The following TRAPPC9 variants were observed in gnomAD, a reference collection of about 807,000 sequenced individuals.
TRAPPC9 encodes the protein trafficking protein particle complex subunit 9.
In TRAPPC9, 83 loss-of-function variants were observed where a neutral mutation model predicts 124.0. That is an observed-to-expected ratio of 0.67 (90% CI 0.56 to 0.80). The LOEUF (loss-of-function observed/expected upper bound fraction) is 0.80. Among genes scored for constraint, TRAPPC9 ranks in the 30% least tolerant of loss-of-function variants. The probability of loss-of-function intolerance (pLI) is 0.00; values close to 1 mark genes in which losing one functional copy is unlikely to be tolerated. For synonymous variants in TRAPPC9, 638 were observed against 617.5 expected (o/e 1.03, Z -0.49); for missense variants, 1,302 against 1,508.3 (o/e 0.86, Z 2.27).
At chr8:140,255,246 C>A (rs563474987) in intron 15 of TRAPPC9, among the ~76,000 whole-genome samples, 2 of 152,324 alleles carry the variant, frequency 1.3e-5, no homozygotes, top group East Asian at 3.9e-4. Flanking sequence ...TCACAGAACA[C>A]CTCAAATGTG....
chr8:140,329,567 A>C (rs545772624), intron 9 of TRAPPC9, among the ~76,000 whole-genome samples: 3 of 152,344 alleles, frequency 2.0e-5, no homozygotes, highest in Admixed American at 2.0e-4. Flanking sequence ...ACTGTAGGGA[A>C]GAGAAAAGTG....
intron 21 of TRAPPC9, among the ~76,000 whole-genome samples, chr8:139,880,885 G>A (rs549954005): frequency 7.2e-5 from 11 of 152,366 alleles, no homozygotes; most frequent in East Asian, 1.9e-4. Context: ...GGTGCCGCCA[G>A]CGACTAAAAG....
intron 19 of TRAPPC9, among the ~76,000 whole-genome samples, chr8:139,986,965 C>T (rs912711684): frequency 7.9e-5 from 12 of 152,112 alleles, no homozygotes; most frequent in Admixed American, 2.0e-4. Flanking sequence ...TGGCAAAAGC[C>T]GCAATTACTT....
At chr8:139,757,137 A>G (rs374408843) in intron 21 of TRAPPC9, among the ~76,000 whole-genome samples, 961 of 29,900 alleles carry the variant, frequency 0.032, no homozygotes, top group Middle Eastern at 0.043. Context: ...CCAGGGTTTG[A>G]GGATGAGGAC....
At chr8:140,123,892 T>C (rs2061033362) in intron 17 of TRAPPC9, among the ~76,000 whole-genome samples, 1 of 152,202 alleles carries the variant, frequency 6.6e-6, no homozygotes, top group South Asian at 2.1e-4. Context: ...TAGGTTATGC[T>C]GTGGTAACAA....
In TRAPPC9 at chr8:140,249,054, C is replaced by G. The variant is rs148400681; in HGVS notation, c.2431+3723G>C. Among the ~76,000 whole-genome samples, 175 of 152,126 alleles carry G rather than the reference C, an allele frequency of 1.2e-3. 1 individual carries two copies. Among genetic ancestry groups the G allele is most frequent in the African/African-American group, 1.6e-3 (68 of 41,478 alleles). ...ATTTCAACTTTTATTTTAGATTTAG[C>G]GGGTACGTGTTCAGGTTTGTTACAT... On this transcript the variant is annotated intron_variant, in intron 16 of 22. Coordinates refer to ENST00000438773, the MANE Select transcript of TRAPPC9 (RefSeq NM_001160372.4).
At chr8:140,034,170 G>C (rs985065770) in intron 17 of TRAPPC9, among the ~76,000 whole-genome samples, 1 of 152,212 alleles carries the variant, frequency 6.6e-6, no homozygotes, top group African/African-American at 2.4e-5. Context: ...CCCAACACAA[G>C]ACTTGGCACA....
chr8:140,071,766 C>G lies in TRAPPC9; in HGVS notation c.2557-47687G>C, dbSNP rs575994079. 4.5e-4 allele frequency among the ~76,000 whole-genome samples: 68 copies of G among 152,298 alleles called. 1 individual carries two copies. The highest frequency in any genetic ancestry group is 1.6e-3 in the African/African-American group (67 of 41,554). ...TGGACAAGCAGATACCACGCTCTGG[C>G]TCATAAAACGCACAAAAGCTCTGAG... On this transcript the variant is annotated intron_variant, in intron 17 of 22. Coordinates refer to ENST00000438773, the MANE Select transcript of TRAPPC9 (RefSeq NM_001160372.4).
At position 140,104,475 on chromosome 8, in the gene TRAPPC9, T is replaced by C. The variant is rs76065324; in HGVS notation, c.2557-80396A>G. ...AGTTGGATATCTAAGTGGGCACTCA[T>C]GATCTTAGACAAATAATATGCAAGT... On this transcript the variant is annotated intron_variant, in intron 17 of 22. Transcript: ENST00000438773. This position sits in a 1 kb window ranked among gnomAD's most constrained non-coding sequence, Gnocchi z 4.0. Among the ~76,000 whole-genome samples the C allele has an allele frequency of 0.028, 4,275 of 152,208 alleles. 88 individuals carry two copies. The highest frequency in any genetic ancestry group is 0.061 in the Middle Eastern group (18 of 294).
intron 10 of TRAPPC9, among the ~76,000 whole-genome samples, chr8:140,308,656 G>T (rs916145078): frequency 2.0e-5 from 3 of 152,166 alleles, no homozygotes; most frequent in African/African-American, 7.2e-5. Flanking sequence ...GCTGAGGCGG[G>T]CGGATCACGA....
At chr8:140,169,060 AG>A (rs2061908353) in intron 17 of TRAPPC9, among the ~76,000 whole-genome samples, 1 of 152,192 alleles carries the variant, frequency 6.6e-6, no homozygotes, top group African/African-American at 2.4e-5. Flanking sequence ...AACATGCATG[AG>A]GTAAGCAAGG....
chr8:140,177,281 T>C (rs998199972), intron 17 of TRAPPC9, among the ~76,000 whole-genome samples: 3 of 152,190 alleles, frequency 2.0e-5, no homozygotes, highest in African/African-American at 4.8e-5. Context: ...ATCTCTTATA[T>C]TTAAGTCTAT....
intron 9 of TRAPPC9, among the ~76,000 whole-genome samples, chr8:140,321,187 G>A (rs1486426665): frequency 6.6e-6 from 1 of 152,234 alleles, no homozygotes; most frequent in Non-Finnish European, 1.5e-5. Context: ...CAGAGAAGCC[G>A]GCAGAGCGCT....
At chr8:139,757,438 C>T (rs1819921704) in intron 21 of TRAPPC9, among the ~76,000 whole-genome samples, 1 of 148,816 alleles carries the variant, frequency 6.7e-6, no homozygotes, top group Non-Finnish European at 1.5e-5. Flanking sequence ...GCAGGAGGAG[C>T]CAGGGTTTGG....
chr8:139,804,710 C>T (rs893251780), intron 21 of TRAPPC9, among the ~76,000 whole-genome samples: 2 of 142,646 alleles, frequency 1.4e-5, no homozygotes, highest in Non-Finnish European at 3.0e-5. Flanking sequence ...ACCACCACCA[C>T]CCACCACCGG....
At position 139,927,808 on chromosome 8, in the gene TRAPPC9, G is replaced by A. The variant is rs78450940; in HGVS notation, c.2811-17508C>T. ...CAAACTATTGTTGCAGGCCAACCAC[G>A]TGGATGAATCTCCAAACCATTGTGC... On this transcript the variant is annotated intron_variant, in intron 19 of 22. Coordinates refer to ENST00000438773, the MANE Select transcript of TRAPPC9 (RefSeq NM_001160372.4). 7.0e-3 allele frequency among the ~76,000 whole-genome samples: 1,073 copies of A among 152,272 alleles called. 15 individuals are homozygous for A. Among genetic ancestry groups the A allele is most frequent in the African/African-American group, 0.024 (1,001 of 41,538 alleles).
At chr8:140,103,964 G>A (rs73727505) in intron 17 of TRAPPC9, among the ~76,000 whole-genome samples, 10,299 of 152,276 alleles carry the variant, frequency 0.068, 421 homozygotes, top group Middle Eastern at 0.12. Context: ...ACAGAAATAC[G>A]CGTTTTTGAG....
intron 7 of TRAPPC9, among the ~76,000 whole-genome samples, chr8:140,386,691 T>G (rs2132321537): frequency 6.6e-6 from 1 of 152,262 alleles, no homozygotes; most frequent in Admixed American, 6.5e-5. Context: ...GGAAGAACAT[T>G]CCATGTTCAC....
intron 19 of TRAPPC9, among the ~76,000 whole-genome samples, chr8:139,979,388 C>T (rs750160334): frequency 2.2e-4 from 34 of 152,184 alleles, no homozygotes; most frequent in Non-Finnish European, 3.5e-4. Flanking sequence ...CCAGCACAGG[C>T]CAGATGGAGG....
Sources: gnomAD v4.1 joint callset for allele counts (sites outside exome capture counted in the v4.1 genomes callset) on GRCh38, gnomAD v4.1.1 for gene constraint, Gnocchi (gnomAD v3.1) non-coding constraint, MANE v1.5 for transcripts, NCBI Gene and HGNC (gene_info 2026-07-23, HGNC 2026-07-21) for gene names.